The following HERPUD2 variants were observed in gnomAD, a reference collection of about 807,000 sequenced individuals.
The protein encoded by HERPUD2 is homocysteine-responsive endoplasmic reticulum-resident ubiquitin-like domain member 2 protein.
Under a neutral mutation model 49.9 loss-of-function variants are expected in HERPUD2, and 13 were observed. The observed-to-expected ratio is 0.26, with a 90% CI of 0.17 to 0.41. The LOEUF is 0.41. HERPUD2 is among the 10% of genes least tolerant of loss of function. The pLI, the probability that HERPUD2 is intolerant of heterozygous loss-of-function variation, is 1.00. For synonymous variants in HERPUD2, 172 were observed against 171.4 expected (o/e 1.00, Z -0.03); for missense variants, 449 against 492.2 (o/e 0.91, Z 0.83).
At chr7:35,655,298 G>T (rs1381531120) in intron 5 of HERPUD2, among the ~76,000 whole-genome samples, 1 of 152,140 alleles carries the variant, frequency 6.6e-6, no homozygotes, top group Non-Finnish European at 1.5e-5. Flanking sequence ...ACAGGTCAAC[G>T]ATGAACACAG....
intron 5 of HERPUD2, among the ~76,000 whole-genome samples, chr7:35,639,423 A>G (rs1325353552): frequency 6.6e-6 from 1 of 152,196 alleles, no homozygotes; most frequent in African/African-American, 2.4e-5. Context: ...ATCTAATAAT[A>G]GAATCTTCCT....
At chr7:35,659,868 TA>T (rs1489333853) in intron 5 of HERPUD2, among the ~76,000 whole-genome samples, 13 of 152,164 alleles carry the variant, frequency 8.5e-5, no homozygotes, top group Non-Finnish European at 1.5e-4. Flanking sequence ...ATTTCATCTT[TA>T]TTTTTTTTAT....
chr7:35,685,649 A>G (rs1390727620), intron 2 of HERPUD2, among the ~76,000 whole-genome samples: 1 of 151,976 alleles, frequency 6.6e-6, no homozygotes, highest in Non-Finnish European at 1.5e-5. Context: ...GCCATTAAAA[A>G]ACTGCCTCTT....
chr7:35,689,527 T>C (rs10228577), intron 2 of HERPUD2, among the ~76,000 whole-genome samples: 5,646 of 152,266 alleles, frequency 0.037, 154 homozygotes, highest in Middle Eastern at 0.061. Flanking sequence ...TCAAATGATA[T>C]AAGCTATTTC....
intron 6 of HERPUD2, among the ~76,000 whole-genome samples, chr7:35,636,257 T>C (rs1562666468): frequency 1.3e-5 from 2 of 152,166 alleles, no homozygotes; most frequent in Non-Finnish European, 2.9e-5. Flanking sequence ...CCTTGTTATG[T>C]TTTTAAATTT....
intron 5 of HERPUD2, among the ~76,000 whole-genome samples, chr7:35,646,532 A>G (rs1785056707): frequency 6.6e-6 from 1 of 152,236 alleles, no homozygotes; most frequent in Non-Finnish European, 1.5e-5. Flanking sequence ...ACCACACTCC[A>G]GCCTCATCGA....
intron 2 of HERPUD2, among the ~76,000 whole-genome samples, chr7:35,681,097 T>C (rs75567113): frequency 0.083 from 12,632 of 152,270 alleles, 754 homozygotes; most frequent in South Asian, 0.21. Context: ...GTGCTAAATT[T>C]ATCTGATTCA....
chr7:35,677,573 T>C (rs761228453), intron 2 of HERPUD2, among the ~76,000 whole-genome samples: 28 of 152,286 alleles, frequency 1.8e-4, no homozygotes, highest in Non-Finnish European at 2.6e-4. Flanking sequence ...AGATAGCAAA[T>C]ATATACAACT....
chr7:35,684,038 T>C (rs1209917833), intron 2 of HERPUD2, among the ~76,000 whole-genome samples: 2 of 152,170 alleles, frequency 1.3e-5, no homozygotes, highest in Non-Finnish European at 2.9e-5. Flanking sequence ...TACCATTTGA[T>C]CCAGCAATCC....
chr7:35,665,019 C>T (rs1366888192), intron 5 of HERPUD2, among the ~76,000 whole-genome samples: 2 of 152,198 alleles, frequency 1.3e-5, no homozygotes, highest in South Asian at 2.1e-4. Flanking sequence ...AAGTGCCAGT[C>T]GCCCCCCTAC....
At chr7:35,678,231 C>T in intron 2 of HERPUD2, among the ~76,000 whole-genome samples, 1 of 135,978 alleles carries the variant, frequency 7.4e-6, no homozygotes, top group Non-Finnish European at 1.6e-5. Context: ...ACTGTCACTT[C>T]ACATTATTAA....
At chr7:35,689,956 A>C (rs1364086237) in intron 2 of HERPUD2, among the ~76,000 whole-genome samples, 12 of 152,158 alleles carry the variant, frequency 7.9e-5, no homozygotes, top group Non-Finnish European at 1.0e-4. Flanking sequence ...AAAGGTACCT[A>C]AGTGGACTTG....
At chr7:35,668,063 A>T (rs1193003398) in intron 4 of HERPUD2, among the ~76,000 whole-genome samples, 2 of 127,148 alleles carry the variant, frequency 1.6e-5, no homozygotes, top group African/African-American at 2.7e-5. Context: ...AAGTAATGAG[A>T]AACAGGCTAG....
intron 5 of HERPUD2, among the ~76,000 whole-genome samples, chr7:35,644,355 C>T (rs1048034231): frequency 9.2e-5 from 14 of 151,530 alleles, no homozygotes; most frequent in African/African-American, 3.4e-4. Context: ...TGCTAAATGA[C>T]ACCATGAGAA....
Position 35,682,349 on chromosome 7 carries a change from GTGTGTGTGTATATATATATA to G in HERPUD2, c.148-9091_148-9072del, listed in dbSNP as rs1562686307. ...CACGTGTGTGTGTGTGTGTGTGTGT[GTGTGTGTGTATATATATATA>G]TATATATATATATATATACTTAATC... On this transcript the variant is annotated intron_variant, in intron 2 of 8. Coordinates refer to ENST00000311350, the MANE Select transcript of HERPUD2 (RefSeq NM_022373.5). Among the ~76,000 whole-genome samples, 50 of 41,794 alleles carry G rather than the reference GTGTGTGTGTATATATATATA, an allele frequency of 1.2e-3. 4 individuals are homozygous for G. Among genetic ancestry groups the G allele is most frequent in the South Asian group, 6.4e-3 (8 of 1,244 alleles). The allele number at this position is 41,794 out of a possible 152,430, so 27.4% of individuals were successfully genotyped here.
intron 2 of HERPUD2, among the ~76,000 whole-genome samples, chr7:35,689,447 A>G (rs959850075): frequency 3.3e-5 from 5 of 152,212 alleles, no homozygotes; most frequent in Non-Finnish European, 7.4e-5. Flanking sequence ...CAAAATGGTT[A>G]AACAAGTAGA....
intron 2 of HERPUD2, among the ~76,000 whole-genome samples, chr7:35,693,074 C>G (rs1485532776): frequency 6.6e-6 from 1 of 152,252 alleles, no homozygotes; most frequent in African/African-American, 2.4e-5. Flanking sequence ...ATACAGTACT[C>G]TACATGACGG....
At chr7:35,679,648 C>T (rs901113054) in intron 2 of HERPUD2, among the ~76,000 whole-genome samples, 3 of 152,164 alleles carry the variant, frequency 2.0e-5, no homozygotes, top group Admixed American at 6.5e-5. Context: ...AATTTCCCAT[C>T]CAATTCTAAA....
At chr7:35,672,876 T>C (rs184566533) in intron 3 of HERPUD2, among the ~76,000 whole-genome samples, 5 of 152,168 alleles carry the variant, frequency 3.3e-5, no homozygotes, top group Non-Finnish European at 7.4e-5. Flanking sequence ...GGAAAGACTG[T>C]TATCAATGAA....
Sources: gnomAD v4.1 joint callset for allele counts (sites outside exome capture counted in the v4.1 genomes callset) on GRCh38, gnomAD v4.1.1 for gene constraint, MANE v1.5 for transcripts, NCBI Gene and HGNC (gene_info 2026-07-23, HGNC 2026-07-21) for gene names.